CDKAL1: variants seen among roughly 807,000 people sequenced by gnomAD.
The protein encoded by CDKAL1 is threonylcarbamoyladenosine tRNA methylthiotransferase.
Under a neutral mutation model 68.2 loss-of-function variants are expected in CDKAL1, and 32 were observed. That is an observed-to-expected ratio of 0.47 (90% CI 0.35 to 0.63). The LOEUF (loss-of-function observed/expected upper bound fraction) is 0.63. Ranked by LOEUF, CDKAL1 falls within the 30% of genes least tolerant of loss-of-function variation. CDKAL1 has a pLI of 0.00. For synonymous variants in CDKAL1, 234 were observed against 244.3 expected (o/e 0.96, Z 0.39); for missense variants, 606 against 696.7 (o/e 0.87, Z 1.47).
In CDKAL1 at chr6:20,539,058, G is replaced by A. The variant is rs1168993457; in HGVS notation, c.-6+3664G>A. On this transcript the variant is annotated intron_variant, in intron 2 of 15. Coordinates refer to ENST00000274695, the MANE Select transcript of CDKAL1 (RefSeq NM_017774.3). This position sits in a 1 kb window ranked among gnomAD's most constrained non-coding sequence, Gnocchi z 4.3. Reference sequence around the variant, plus strand: ...AAAAGCAGGGTTAGAAGCAGTGAAAGTGTGGGCATGCTTGGGCAGCGTGGT... The same window carrying A: ...AAAAGCAGGGTTAGAAGCAGTGAAAATGTGGGCATGCTTGGGCAGCGTGGT... Among the ~76,000 whole-genome samples, 1 of 152,226 alleles carries A rather than the reference G, an allele frequency of 6.6e-6. No individual in the cohort carries two copies. Among genetic ancestry groups the A allele is most frequent in the Admixed American group, 6.5e-5 (1 of 15,280 alleles).
chr6:20,537,714 C>T (rs1186189369), intron 2 of CDKAL1, among the ~76,000 whole-genome samples: 2 of 151,576 alleles, frequency 1.3e-5, no homozygotes, highest in Non-Finnish European at 2.9e-5. Flanking sequence ...TGAGTATTTT[C>T]CTTTTCACTG....
intron 6 of CDKAL1, 91 bp downstream of exon 6, chr6:20,739,706 G>A (rs1040845257): frequency 7.4e-6 from 5 of 676,206 alleles, no homozygotes; most frequent in Non-Finnish European, 1.3e-5. Flanking sequence ...TAGGTTATTT[G>A]TAAGCTATGT....
rs535972802 is a variant in CDKAL1, at chr6:20,695,023, A to G, written c.372-44496A>G. 1.2e-4 allele frequency among the ~76,000 whole-genome samples: 18 copies of G among 152,306 alleles called. 1 individual carries two copies. The highest frequency in any genetic ancestry group is 4.1e-4 in the African/African-American group (17 of 41,570). ...TGTACAGCCTGCAGAACTATGAACC[A>G]AACAAACCTCTTTTCTTTATAAACT... On this transcript the variant is annotated intron_variant, in intron 5 of 15. Coordinates refer to ENST00000274695, the MANE Select transcript of CDKAL1 (RefSeq NM_017774.3).
intron 5 of CDKAL1, among the ~76,000 whole-genome samples, chr6:20,699,932 A>G (rs766637041): frequency 9.2e-5 from 14 of 152,182 alleles, no homozygotes; most frequent in Non-Finnish European, 2.1e-4. Context: ...GTCTTTTAAG[A>G]TGATGGTGTT....
At chr6:21,037,872 T>C (rs1341365888) in intron 11 of CDKAL1, among the ~76,000 whole-genome samples, 3 of 152,242 alleles carry the variant, frequency 2.0e-5, no homozygotes, top group African/African-American at 7.2e-5. Flanking sequence ...CAGATAAAAG[T>C]TGACAATCAG....
At position 21,129,173 on chromosome 6, in the gene CDKAL1, T is replaced by A. The variant is rs540511037; in HGVS notation, c.1299+20710T>A. On this transcript the variant is annotated intron_variant, in intron 13 of 15. Transcript: ENST00000274695. ...TAAATGTTAGTTGTTAAATAATAAT[T>A]ATAAATTCTATCCATAAGTATTTAT... 4.7e-4 allele frequency among the ~76,000 whole-genome samples: 72 copies of A among 152,296 alleles called. No individual in the cohort carries two copies. The South Asian group carries it at 0.013, about 28-fold the overall frequency.
intron 5 of CDKAL1, among the ~76,000 whole-genome samples, chr6:20,706,339 C>G (rs1771594778): frequency 6.6e-6 from 1 of 152,182 alleles, no homozygotes; most frequent in South Asian, 2.1e-4. Flanking sequence ...AAAAATCTCT[C>G]AGTCTAACTT....
intron 8 of CDKAL1, among the ~76,000 whole-genome samples, chr6:20,810,318 TTAA>T (rs1363602365): frequency 1.3e-5 from 2 of 151,536 alleles, no homozygotes; most frequent in East Asian, 3.9e-4. Flanking sequence ...ATTTAATTAG[TTAA>T]TATACCAGTT....
At chr6:20,585,585 CCTTAT>C (rs1233935844) in intron 4 of CDKAL1, among the ~76,000 whole-genome samples, 2 of 152,174 alleles carry the variant, frequency 1.3e-5, no homozygotes, top group South Asian at 2.1e-4. Flanking sequence ...ACTTCTCAGT[CCTTAT>C]CTTATATAGT....
chr6:21,026,887 C>T (rs1327615670), intron 11 of CDKAL1, among the ~76,000 whole-genome samples: 1 of 152,182 alleles, frequency 6.6e-6, no homozygotes, highest in Admixed American at 6.5e-5. Flanking sequence ...CAAGGGTGCT[C>T]AGAAACCTCT....
intron 5 of CDKAL1, among the ~76,000 whole-genome samples, chr6:20,668,029 T>C (rs1178789177): frequency 6.6e-6 from 1 of 152,110 alleles, no homozygotes; most frequent in African/African-American, 2.4e-5. Flanking sequence ...CTTTCTCCTT[T>C]GTCTCTCTTT....
chr6:21,004,718 A>G (rs1295761434), intron 11 of CDKAL1, among the ~76,000 whole-genome samples: 1 of 152,128 alleles, frequency 6.6e-6, no homozygotes, highest in African/African-American at 2.4e-5. Flanking sequence ...TAATCCCAAT[A>G]CTTTGGGAGG....
intron 9 of CDKAL1, among the ~76,000 whole-genome samples, chr6:20,945,347 A>T (rs1048218462): frequency 5.3e-5 from 8 of 152,180 alleles, no homozygotes; most frequent in African/African-American, 1.7e-4. Context: ...AATTTTCCAT[A>T]ATTTGAAAAA....
In CDKAL1 at chr6:20,650,985, C is replaced by T. The variant is rs547610347; in HGVS notation, c.371+1608C>T. ...TGTAGTATAGTTTGAAGTTGGGTAG[C>T]GCGATGCCCCTAGTTTTGTTCTTTT... On this transcript the variant is annotated intron_variant, in intron 5 of 15. Coordinates refer to ENST00000274695, the MANE Select transcript of CDKAL1 (RefSeq NM_017774.3). Among the ~76,000 whole-genome samples, 6 of 152,192 alleles carry T rather than the reference C, an allele frequency of 3.9e-5. No individual in the cohort carries two copies. In the South Asian group the frequency reaches 1.2e-3, roughly 32 times the overall value.
At chr6:20,923,232 C>A (rs1763039368) in intron 9 of CDKAL1, among the ~76,000 whole-genome samples, 1 of 152,086 alleles carries the variant, frequency 6.6e-6, no homozygotes. Context: ...ACATATAACT[C>A]TTGGGTACAG....
chr6:20,938,242 C>T (rs905863503), intron 9 of CDKAL1, among the ~76,000 whole-genome samples: 1 of 152,058 alleles, frequency 6.6e-6, no homozygotes, highest in African/African-American at 2.4e-5. Flanking sequence ...TTGATTTGCC[C>T]TCATAATTTT....
chr6:20,914,146 T>C (rs1762609819), intron 9 of CDKAL1, among the ~76,000 whole-genome samples: 1 of 151,754 alleles, frequency 6.6e-6, no homozygotes, highest in Admixed American at 6.6e-5. Context: ...AAAAATTAGC[T>C]GGGCGTGGTG....
intron 2 of CDKAL1, among the ~76,000 whole-genome samples, chr6:20,543,806 G>A (rs188385658): frequency 1.4e-5 from 2 of 142,474 alleles, no homozygotes; most frequent in East Asian, 4.2e-4. Flanking sequence ...GTACAATCTT[G>A]GCTTACTGCA....
chr6:21,071,622 G>T (rs10498700), intron 12 of CDKAL1, among the ~76,000 whole-genome samples: 1 of 151,778 alleles, frequency 6.6e-6, no homozygotes, highest in Non-Finnish European at 1.5e-5. Context: ...CTGGTCGTTT[G>T]TCTTTTTCTC....
Sources: gnomAD v4.1 joint callset for allele counts (sites outside exome capture counted in the v4.1 genomes callset) on GRCh38, gnomAD v4.1.1 for gene constraint, Gnocchi (gnomAD v3.1) non-coding constraint, MANE v1.5 for transcripts, NCBI Gene and HGNC (gene_info 2026-07-23, HGNC 2026-07-21) for gene names.